SNX29: variants seen among roughly 807,000 people sequenced by gnomAD.
The protein encoded by SNX29 is sorting nexin-29.
In SNX29, 78 loss-of-function variants were observed where a neutral mutation model predicts 102.1. The ratio of observed to expected loss-of-function variants is 0.76; its 90% confidence interval spans 0.64 to 0.92. The LOEUF is 0.92. Among genes scored for constraint, SNX29 ranks in the 40% least tolerant of loss-of-function variants. The pLI, the probability that SNX29 is intolerant of heterozygous loss-of-function variation, is 0.00. For synonymous variants in SNX29, 580 were observed against 414.5 expected, an observed-to-expected ratio of 1.40 and a Z score of -4.85; for missense variants, 1,280 against 1,061.7, an observed-to-expected ratio of 1.21 and a Z score of -2.86.
intron 15 of SNX29, among the ~76,000 whole-genome samples, chr16:12,288,861 G>C (rs1450623813): frequency 1.3e-5 from 2 of 152,034 alleles, no homozygotes; most frequent in Admixed American, 1.3e-4. Context: ...GAGGTCATGG[G>C]GCTAGCATAG....
At chr16:12,498,255 G>A (rs2088929632) in intron 19 of SNX29, among the ~76,000 whole-genome samples, 1 of 152,198 alleles carries the variant, frequency 6.6e-6, no homozygotes. Flanking sequence ...ACTAGCAGCA[G>A]GTACACGTGG....
rs529879781 is a variant in SNX29 at position 12,311,184 on chromosome 16, T to A, written c.1782+33148T>A. 8.4e-4 allele frequency among the ~76,000 whole-genome samples: 127 copies of A among 151,680 alleles called. 6 individuals are homozygous for A. The South Asian group carries it at 0.023, about 27-fold the overall frequency. On this transcript the variant is annotated intron_variant, in intron 15 of 20. Coordinates refer to ENST00000566228, the MANE Select transcript of SNX29 (RefSeq NM_032167.5). ...AAACCCTGTTGGGAACTTCAGGGAG[T>A]TTTTTTCTGAACCCCCCGCCCCCTA... is the stretch of plus-strand genomic sequence containing the variant.
chr16:12,049,533 A>T (rs2050221232), intron 7 of SNX29, among the ~76,000 whole-genome samples: 1 of 152,022 alleles, frequency 6.6e-6, no homozygotes, highest in African/African-American at 2.4e-5. Flanking sequence ...GGGTTTCCCC[A>T]TGTTGGCCAG....
chr16:12,300,784 T>C (rs1053712940), intron 15 of SNX29, among the ~76,000 whole-genome samples: 1 of 152,154 alleles, frequency 6.6e-6, no homozygotes, highest in African/African-American at 2.4e-5. Flanking sequence ...TGCGTAGCTG[T>C]TTGCTGTGGG....
chr16:12,469,649 T>C (rs751900296), intron 18 of SNX29, among the ~76,000 whole-genome samples: 14 of 152,212 alleles, frequency 9.2e-5, no homozygotes, highest in Non-Finnish European at 2.1e-4. Flanking sequence ...CTAGTTCCGC[T>C]GCTCACTCCT....
chr16:12,383,705 G>A lies in SNX29; in HGVS notation c.1900-14741G>A, dbSNP rs143972361. On this transcript the variant is annotated intron_variant, in intron 16 of 20. Transcript: ENST00000566228. ...TCCACCTCAGCCTCTCAAAGTGCTA[G>A]GATTACAGGCGTGAGCCAGCACGCC... 3.5e-4 allele frequency among the ~76,000 whole-genome samples: 53 copies of A among 150,770 alleles called. 1 individual carries two copies. Among genetic ancestry groups the A allele is most frequent in the Admixed American group, 7.3e-4 (11 of 15,158 alleles).
intron 18 of SNX29, among the ~76,000 whole-genome samples, chr16:12,433,342 A>G (rs2085392077): frequency 6.6e-6 from 1 of 152,056 alleles, no homozygotes; most frequent in African/African-American, 2.4e-5. Context: ...ATAAAACTGT[A>G]ACGATTGGCC....
intron 14 of SNX29, among the ~76,000 whole-genome samples, chr16:12,257,441 CAT>C (rs1467023314): frequency 6.6e-6 from 1 of 152,150 alleles, no homozygotes; most frequent in Non-Finnish European, 1.5e-5. Flanking sequence ...TGTGCAGCAA[CAT>C]ATTCACAGCA....
chr16:12,498,227 G>A (rs531268818), intron 19 of SNX29, among the ~76,000 whole-genome samples: 1 of 152,332 alleles, frequency 6.6e-6, no homozygotes, highest in South Asian at 2.1e-4. Flanking sequence ...GAGGCCCACT[G>A]AGAAGTCAGC....
At chr16:12,433,349 G>GGCCGGGCGCAGTGGCTCACTT (rs1567557903) in intron 18 of SNX29, among the ~76,000 whole-genome samples, 1 of 152,136 alleles carries the variant, frequency 6.6e-6, no homozygotes, top group Non-Finnish European at 1.5e-5. Context: ...TGTAACGATT[G>GGCCGGGCGCAGTGGCTCACTT]GCCGGGCGCA....
chr16:12,092,897 G>C (rs1226829914), intron 11 of SNX29, among the ~76,000 whole-genome samples: 1 of 152,178 alleles, frequency 6.6e-6, no homozygotes, highest in African/African-American at 2.4e-5. Flanking sequence ...GGCTAGGCAA[G>C]CCAGTATCAG....
intron 9 of SNX29, 60 bp downstream of exon 9, chr16:12,061,706 G>A: frequency 6.9e-7 from 1 of 1,457,124 alleles, no homozygotes; most frequent in Non-Finnish European, 9.4e-7. Flanking sequence ...AGAACCAGCA[G>A]GAATGTCTGA....
At chr16:12,490,092 C>T (rs1480316235) in intron 19 of SNX29, among the ~76,000 whole-genome samples, 1 of 152,176 alleles carries the variant, frequency 6.6e-6, no homozygotes, top group African/African-American at 2.4e-5. Context: ...AGGCGTGAGC[C>T]ACAACGCCAG....
At chr16:12,423,849 G>A (rs2084957948) in intron 18 of SNX29, among the ~76,000 whole-genome samples, 1 of 152,246 alleles carries the variant, frequency 6.6e-6, no homozygotes, top group African/African-American at 2.4e-5. Flanking sequence ...TGGGATTACA[G>A]GCGTGAGCTA....
intron 19 of SNX29, among the ~76,000 whole-genome samples, chr16:12,498,749 C>T (rs1381791585): frequency 1.3e-5 from 2 of 152,198 alleles, no homozygotes; most frequent in African/African-American, 4.8e-5. Flanking sequence ...TCATAGGAGG[C>T]ATTAACTTAT....
rs563014295 is a variant in SNX29, at chr16:12,350,890, G to C, written c.1783-5273G>C. ...TTTTCAGAAGCCCTCCCAGTGACTAGTGATCAGCTTGGGTTGGGAGCCACG... is the reference window on the plus strand; with the variant it reads ...TTTTCAGAAGCCCTCCCAGTGACTACTGATCAGCTTGGGTTGGGAGCCACG... On this transcript the variant is annotated intron_variant, in intron 15 of 20. Transcript: ENST00000566228. 8.5e-4 allele frequency among the ~76,000 whole-genome samples: 130 copies of C among 152,326 alleles called. 6 individuals are homozygous for C. The South Asian group carries it at 0.023, about 26-fold the overall frequency.
At position 12,554,259 on chromosome 16, in the gene SNX29, T is replaced by C. The variant is rs1484170959; in HGVS notation, c.2319-14247T>C. Among the ~76,000 whole-genome samples the C allele has an allele frequency of 2.0e-5, 3 of 152,232 alleles. No individual in the cohort carries two copies. The South Asian group carries it at 6.2e-4, about 32-fold the overall frequency. On this transcript the variant is annotated intron_variant, in intron 20 of 20. Coordinates refer to ENST00000566228, the MANE Select transcript of SNX29 (RefSeq NM_032167.5). ...TCCCTCGGCTGCATCGTCTCTGCCTTTTGGTGCATCTGTGTATACATGGGT... is the reference window on the plus strand; with the variant it reads ...TCCCTCGGCTGCATCGTCTCTGCCTCTTGGTGCATCTGTGTATACATGGGT...
chr16:12,448,288 C>T (rs1210593711), intron 18 of SNX29, among the ~76,000 whole-genome samples: 1 of 152,132 alleles, frequency 6.6e-6, no homozygotes, highest in East Asian at 1.9e-4. Context: ...GTGAACTTCC[C>T]TGAATCCCCT....
chr16:12,245,919 G>T (rs74350609), intron 14 of SNX29, among the ~76,000 whole-genome samples: 6,015 of 152,258 alleles, frequency 0.04, 417 homozygotes, highest in African/African-American at 0.14. Context: ...GACTGTGGGA[G>T]AGTAACTTGC....
Sources: gnomAD v4.1 joint callset for allele counts (sites outside exome capture counted in the v4.1 genomes callset) on GRCh38, gnomAD v4.1.1 for gene constraint, MANE v1.5 for transcripts, NCBI Gene and HGNC (gene_info 2026-07-23, HGNC 2026-07-21) for gene names.